The following TBC1D19 variants were observed in gnomAD, a reference collection of about 807,000 sequenced individuals.
TBC1D19 encodes the protein TBC1 domain family, member 19.
A neutral mutation model predicts 89.0 loss-of-function variants in TBC1D19; 60 were observed. That is an observed-to-expected ratio of 0.67 (90% confidence interval 0.55 to 0.84). The LOEUF (loss-of-function observed/expected upper bound fraction) is 0.84. Among genes scored for constraint, TBC1D19 ranks in the 40% least tolerant of loss-of-function variants. The pLI is 0.00. For missense variants in TBC1D19, 500 were observed against 610.8 expected, an observed-to-expected ratio of 0.82 and a Z score of 1.91; for synonymous variants, 189 against 199.7, an observed-to-expected ratio of 0.95 and a Z score of 0.45.
At chr4:26,728,369 T>C (rs963489601) in intron 15 of TBC1D19, among the ~76,000 whole-genome samples, 5 of 152,252 alleles carry the variant, frequency 3.3e-5, no homozygotes, top group Non-Finnish European at 5.9e-5. Context: ...CTACTATTTA[T>C]TAACTTATTT....
At chr4:26,732,577 C>T (rs549817035) in intron 15 of TBC1D19, among the ~76,000 whole-genome samples, 4 of 152,212 alleles carry the variant, frequency 2.6e-5, no homozygotes, top group South Asian at 4.2e-4. Context: ...GGCAGGAGTC[C>T]GAAGCAGGGT....
intron 20 of TBC1D19, 42 bp from the exon 21 acceptor site, chr4:26,754,831 C>T (rs745736595): frequency 6.8e-7 from 1 of 1,480,148 alleles, no homozygotes; most frequent in Non-Finnish European, 9.2e-7. Context: ...ATTTCATAGA[C>T]TTCGCTTTGC....
the TBC1D19 span, among the ~76,000 whole-genome samples, chr4:26,791,921 C>G: frequency 6.6e-6 from 1 of 152,100 alleles, no homozygotes; most frequent in South Asian, 2.1e-4. Flanking sequence ...AGTTGTCAGC[C>G]TATAGATGAT....
At chr4:26,590,208 A>T (rs1739676987) in intron 1 of TBC1D19, among the ~76,000 whole-genome samples, 1 of 152,188 alleles carries the variant, frequency 6.6e-6, no homozygotes, top group Non-Finnish European at 1.5e-5. Context: ...TTGGAATTTA[A>T]TTCACTTGGT....
chr4:26,772,011 G>C, the TBC1D19 span, among the ~76,000 whole-genome samples: 1 of 151,864 alleles, frequency 6.6e-6, no homozygotes, highest in Non-Finnish European at 1.5e-5. Flanking sequence ...GGGAAAAAAA[G>C]AGAAAAGATA....
At chr4:26,736,322 T>G (rs1451640949) in intron 16 of TBC1D19, among the ~76,000 whole-genome samples, 1 of 145,408 alleles carries the variant, frequency 6.9e-6, no homozygotes, top group East Asian at 2.0e-4. Context: ...CATATTCTCA[T>G]TCATAGGTGG....
the TBC1D19 span, among the ~76,000 whole-genome samples, chr4:26,776,059 C>A: frequency 6.6e-6 from 1 of 152,060 alleles, no homozygotes; most frequent in Non-Finnish European, 1.5e-5. Flanking sequence ...ACAAGATGTT[C>A]CAAGTTTATC....
the TBC1D19 span, among the ~76,000 whole-genome samples, chr4:26,769,098 G>A: frequency 6.6e-6 from 1 of 152,044 alleles, no homozygotes; most frequent in Non-Finnish European, 1.5e-5. Flanking sequence ...CAAGATTAAG[G>A]ATGACAACAT....
At chr4:26,784,089 AT>A in the TBC1D19 span, among the ~76,000 whole-genome samples, 1 of 152,162 alleles carries the variant, frequency 6.6e-6, no homozygotes, top group African/African-American at 2.4e-5. Context: ...TGGCCACTCA[AT>A]GGCTTTGGCT....
Position 26,666,214 on chromosome 4 carries a change from G to A in TBC1D19, c.592-119G>A, listed in dbSNP as rs1031206312. The A allele has an allele frequency of 7.9e-5, 58 of 738,310 alleles. No individual in the cohort carries two copies. The African/African-American group carries it at 8.4e-4, about 11-fold the overall frequency. 45.7% of individuals were successfully genotyped at this position (738,310 alleles called of 1,614,324 possible). ...TTTCTTTTTTAGGTATTTGAATAAA[G>A]CAAAGCCTCATTTCACACTGTGATT... On this transcript the variant is annotated intron_variant, in intron 8 of 20. Coordinates refer to ENST00000264866, the MANE Select transcript of TBC1D19 (RefSeq NM_018317.4).
upstream of TBC1D19, among the ~76,000 whole-genome samples, chr4:26,580,771 G>A (rs1439485627): frequency 1.3e-5 from 2 of 152,192 alleles, no homozygotes; most frequent in Non-Finnish European, 2.9e-5. Context: ...ATAAAGTAAA[G>A]ATATGTTTCA....
chr4:26,847,864 G>C, the TBC1D19 span, among the ~76,000 whole-genome samples: 3 of 152,172 alleles, frequency 2.0e-5, no homozygotes, highest in Non-Finnish European at 4.4e-5. Flanking sequence ...TTTGGTAAAC[G>C]TGAAGAAGGA....
chr4:26,654,269 G>A (rs1744624665), intron 7 of TBC1D19, among the ~76,000 whole-genome samples: 1 of 152,114 alleles, frequency 6.6e-6, no homozygotes, highest in South Asian at 2.1e-4. Context: ...GCTTCCCTTT[G>A]TGGGTAACCC....
intron 15 of TBC1D19, among the ~76,000 whole-genome samples, chr4:26,728,954 G>A (rs1298114786): frequency 1.3e-5 from 2 of 152,212 alleles, no homozygotes; most frequent in African/African-American, 4.8e-5. Flanking sequence ...GGCGGAGCTT[G>A]AAGTGAGCCG....
chr4:26,613,267 A>G (rs1363831514), intron 2 of TBC1D19, 26 bp downstream of exon 2: 4 of 1,365,390 alleles, frequency 2.9e-6, no homozygotes, highest in East Asian at 2.4e-5. Flanking sequence ...CTAATAACTT[A>G]AGGCAAAATA....
chr4:26,832,266 C>T, the TBC1D19 span, among the ~76,000 whole-genome samples: 1 of 152,196 alleles, frequency 6.6e-6, no homozygotes, highest in African/African-American at 2.4e-5. Context: ...TAAGGCCTCA[C>T]TCTGGGTGGG....
In TBC1D19 at chr4:26,614,440, A is replaced by G; in HGVS notation, c.205A>G (p.Ser69Gly). Reference protein sequence around the residue: ...WEKKLQNAVYSELSVFPLPSH... With the variant: ...WEKKLQNAVYGELSVFPLPSH... ...GAAGAAACTTCAGAATGCTGTTTAT[A>G]GTGAACTGAGTGTGTGAGTTTTCCC... Residue 69 changes from serine to glycine, a missense_variant, in exon 3 of 21, where the codon AGT becomes GGT. By Grantham distance (56) the Ser-to-Gly change is moderately conservative. Transcript: ENST00000264866. 1 of 1,591,940 alleles carries G rather than the reference A, an allele frequency of 6.3e-7. No individual in the cohort carries two copies. The highest frequency in any genetic ancestry group is 1.2e-5 in the South Asian group (1 of 84,004).
chr4:26,807,825 T>C, the TBC1D19 span, among the ~76,000 whole-genome samples: 4 of 152,230 alleles, frequency 2.6e-5, no homozygotes, highest in Admixed American at 6.5e-5. Flanking sequence ...ATCATTACAG[T>C]TGATCTTACT....
At position 26,585,086 on chromosome 4, in the gene TBC1D19, G is replaced by A. The variant is rs142028799; in HGVS notation, c.99+794G>A. The A allele has an allele frequency of 2.1e-5, 7 of 337,670 alleles. No homozygotes were observed. In the Admixed American group the frequency reaches 2.2e-4, roughly 10 times the overall value. The allele number at this position is 337,670 out of a possible 1,614,324, so 20.9% of individuals were successfully genotyped here. ...TGCTTTCTGGTTTTAGAGATTATAA[G>A]TAAAGCTGATATATACATTCTAGTA... On this transcript the variant is annotated intron_variant, in intron 1 of 20. Coordinates refer to ENST00000264866, the MANE Select transcript of TBC1D19 (RefSeq NM_018317.4).
Sources: allele counts gnomAD v4.1 joint callset (sites outside exome capture counted in the v4.1 genomes callset), GRCh38; gene constraint gnomAD v4.1.1; transcripts MANE v1.5; gene names NCBI Gene and HGNC (gene_info 2026-07-23, HGNC 2026-07-21).